Variants in KCNJ3 observed in about 807,000 individuals in gnomAD.
KCNJ3 encodes potassium inwardly rectifying channel subfamily J member 3.
In KCNJ3, 4 loss-of-function variants were observed where a neutral mutation model predicts 39.2. The ratio of observed to expected loss-of-function variants is 0.10; its 90% CI spans 0.05 to 0.23. The LOEUF (loss-of-function observed/expected upper bound fraction) is 0.23, where lower values mean the gene tolerates loss of function less well. Among genes scored for constraint, KCNJ3 ranks in the 10% least tolerant of loss-of-function variants. KCNJ3 has a pLI of 1.00. For synonymous variants in KCNJ3, 230 were observed against 237.4 expected (o/e 0.97, Z 0.29); for missense variants, 276 against 634.9 (o/e 0.43, Z 6.08).
intron 2 of KCNJ3, among the ~76,000 whole-genome samples, chr2:154,749,303 T>C (rs1032379093): frequency 2.0e-5 from 3 of 152,124 alleles, no homozygotes; most frequent in Admixed American, 1.3e-4. Context: ...TGTGTATTTA[T>C]AGCAGGCTCA....
At chr2:154,702,770 A>T (rs1441434416) in intron 1 of KCNJ3, among the ~76,000 whole-genome samples, 1 of 151,990 alleles carries the variant, frequency 6.6e-6, no homozygotes, top group African/African-American at 2.4e-5. Flanking sequence ...TCTGTGATTG[A>T]ATTATAAATA....
At chr2:154,711,931 A>G (rs1460673193) in intron 2 of KCNJ3, among the ~76,000 whole-genome samples, 2 of 152,176 alleles carry the variant, frequency 1.3e-5, no homozygotes, top group East Asian at 3.8e-4. Flanking sequence ...TTCCACAGAA[A>G]ATGTGAAAAC....
intron 1 of KCNJ3, among the ~76,000 whole-genome samples, chr2:154,703,817 A>G (rs1684952602): frequency 6.6e-6 from 1 of 152,184 alleles, no homozygotes; most frequent in African/African-American, 2.4e-5. Flanking sequence ...TTTATTTTTA[A>G]TCACGAGACA....
intron 2 of KCNJ3, among the ~76,000 whole-genome samples, chr2:154,767,200 T>C (rs1389881599): frequency 6.6e-6 from 1 of 150,400 alleles, no homozygotes; most frequent in Non-Finnish European, 1.5e-5. Context: ...TTTTTTAAAA[T>C]TATACTTTAA....
At chr2:154,820,646 A>G (rs923196240) in intron 2 of KCNJ3, among the ~76,000 whole-genome samples, 9 of 152,198 alleles carry the variant, frequency 5.9e-5, no homozygotes, top group African/African-American at 2.2e-4. Flanking sequence ...TCTAGTGAAC[A>G]GTTTGCAAAC....
At chr2:154,744,525 A>G (rs541084238) in intron 2 of KCNJ3, among the ~76,000 whole-genome samples, 2 of 151,882 alleles carry the variant, frequency 1.3e-5, no homozygotes, top group East Asian at 3.9e-4. Context: ...GACTATTCAG[A>G]TGTTCTATTT....
At chr2:154,735,103 T>TGTGTGTGTGTG (rs1439368882) in intron 2 of KCNJ3, among the ~76,000 whole-genome samples, 2 of 95,276 alleles carry the variant, frequency 2.1e-5, no homozygotes, top group Admixed American at 9.6e-5. Flanking sequence ...GTGTGTGTGT[T>TGTGTGTGTGTG]TGAGACGGAG....
chr2:154,811,862 T>C (rs1687013289), intron 2 of KCNJ3, among the ~76,000 whole-genome samples: 1 of 152,170 alleles, frequency 6.6e-6, no homozygotes, highest in African/African-American at 2.4e-5. Flanking sequence ...ACACTAACCT[T>C]GGAATATACT....
At position 154,857,886 on chromosome 2, in the gene KCNJ3, CAAAAAA is replaced by C. The variant is rs70983747; in HGVS notation, c.*2609_*2614del. The C allele has an allele frequency of 2.4e-4, 10 of 41,960 alleles. No individual in the cohort carries two copies. Among genetic ancestry groups the C allele is most frequent in the African/African-American group, 1.3e-3 (9 of 6,946 alleles). The allele number at this position is 41,960 out of a possible 1,614,324, so 2.6% of individuals were successfully genotyped here. Reference sequence around the variant, plus strand: ...ACAGTGCGAGACTCCATCTCAACATCAAAAAAAAAAAAAAAAAAAAAAAAAAAAAAA... The same window carrying C: ...ACAGTGCGAGACTCCATCTCAACATCAAAAAAAAAAAAAAAAAAAAAAAAA... On this transcript the variant is annotated 3_prime_UTR_variant, in exon 3 of 3. Coordinates refer to ENST00000295101, the MANE Select transcript of KCNJ3 (RefSeq NM_002239.4).
rs1366260715 is a variant in KCNJ3, at chr2:154,856,685, C to G, written c.*1372C>G. 6.6e-6 allele frequency: 1 copy of G among 151,976 alleles called. No homozygotes were observed. The highest frequency in any genetic ancestry group is 1.5e-5 in the Non-Finnish European group (1 of 67,974). 9.4% of individuals were successfully genotyped at this position (151,976 alleles called of 1,614,324 possible). ...ACTGATTTTATTGGTGTCTTAGATC[C>G]CTAGTCTACCCAAATAATTTTAACA... On this transcript the variant is annotated 3_prime_UTR_variant, in exon 3 of 3. Coordinates refer to ENST00000295101, the MANE Select transcript of KCNJ3 (RefSeq NM_002239.4).
At chr2:154,826,144 C>G (rs765700722) in intron 2 of KCNJ3, among the ~76,000 whole-genome samples, 2 of 152,124 alleles carry the variant, frequency 1.3e-5, no homozygotes. Context: ...CTCTGACTAA[C>G]TTACCTATGG....
intron 2 of KCNJ3, among the ~76,000 whole-genome samples, chr2:154,761,006 G>A (rs1686031075): frequency 6.7e-6 from 1 of 149,802 alleles, no homozygotes. Context: ...CAAAGTGCTG[G>A]GATTACAGGT....
At chr2:154,813,078 A>G (rs35185684) in intron 2 of KCNJ3, among the ~76,000 whole-genome samples, 1 of 152,234 alleles carries the variant, frequency 6.6e-6, no homozygotes, top group African/African-American at 2.4e-5. Context: ...CCCAGGTTAC[A>G]CAGCTAGTTA....
At chr2:154,844,319 A>G (rs764004909) in intron 2 of KCNJ3, among the ~76,000 whole-genome samples, 1 of 152,132 alleles carries the variant, frequency 6.6e-6, no homozygotes, top group Non-Finnish European at 1.5e-5. Flanking sequence ...TCCTCTGGAA[A>G]CTTCGTCCCA....
chr2:154,779,674 G>A (rs1010214100), intron 2 of KCNJ3, among the ~76,000 whole-genome samples: 4 of 151,452 alleles, frequency 2.6e-5, no homozygotes, highest in African/African-American at 9.7e-5. Flanking sequence ...CTCCCGAGTA[G>A]CTGGGGCTAC....
intron 2 of KCNJ3, among the ~76,000 whole-genome samples, chr2:154,765,950 A>C (rs1252649628): frequency 6.6e-6 from 1 of 152,206 alleles, no homozygotes; most frequent in African/African-American, 2.4e-5. Context: ...GTCTGATTCT[A>C]AGATTCCAGA....
At chr2:154,823,710 C>G (rs928779607) in intron 2 of KCNJ3, among the ~76,000 whole-genome samples, 1 of 152,050 alleles carries the variant, frequency 6.6e-6, no homozygotes, top group African/African-American at 2.4e-5. Context: ...CTTACTCAGC[C>G]CAATTTAAAT....
intron 2 of KCNJ3, among the ~76,000 whole-genome samples, chr2:154,770,885 T>C (rs1052389239): frequency 7.7e-6 from 1 of 130,544 alleles, no homozygotes; most frequent in African/African-American, 2.7e-5. Context: ...TTTTCTTTTT[T>C]CTTTTTCTTT....
At chr2:154,803,280 T>C (rs1346959826) in intron 2 of KCNJ3, among the ~76,000 whole-genome samples, 1 of 152,030 alleles carries the variant, frequency 6.6e-6, no homozygotes, top group Non-Finnish European at 1.5e-5. Context: ...TATTTTCTCA[T>C]AGATCTAAGA....
Sources: gnomAD v4.1 joint callset for allele counts (sites outside exome capture counted in the v4.1 genomes callset) on GRCh38, gnomAD v4.1.1 for gene constraint, MANE v1.5 for transcripts, NCBI Gene and HGNC (gene_info 2026-07-23, HGNC 2026-07-21) for gene names.